DELE1: variants seen among roughly 807,000 people sequenced by gnomAD.
DELE1 encodes death ligand signal enhancer.
In DELE1, 54 loss-of-function variants were observed where a neutral mutation model predicts 59.3. The observed-to-expected ratio is 0.91, with a 90% confidence interval of 0.73 to 1.14. The LOEUF is 1.14. Among genes scored for constraint, DELE1 ranks in the 50% most tolerant of loss-of-function variants. The probability of loss-of-function intolerance (pLI) is 0.00; values close to 1 mark genes in which losing one functional copy is unlikely to be tolerated. For missense variants in DELE1, 636 were observed against 643.9 expected, an observed-to-expected ratio of 0.99 and a Z score of 0.13; for synonymous variants, 264 against 259.1, an observed-to-expected ratio of 1.02 and a Z score of -0.18.
chr5:141,939,410 C>T lies in DELE1; in HGVS notation c.*651C>T. ...CCATGAATGGCTGACACTTAGGAAA[C>T]TCTGAATTAGGCCATCCTCGAGACT... is the stretch of plus-strand genomic sequence containing the variant. On this transcript the variant is annotated 3_prime_UTR_variant, in exon 12 of 12. Coordinates refer to ENST00000432126, the MANE Select transcript of DELE1 (RefSeq NM_014773.5). 5.1e-6 allele frequency: 5 copies of T among 985,778 alleles called. No individual in the cohort carries two copies. Among genetic ancestry groups the T allele is most frequent in the Non-Finnish European group, 6.0e-6 (5 of 829,890 alleles). The allele number at this position is 985,778 out of a possible 1,614,324, so 61.1% of individuals were successfully genotyped here.
In DELE1 at chr5:141,941,238, GA is replaced by G; in HGVS notation, c.*2480del. Reference sequence around the variant, plus strand: ...ACTGGGCGTCCTGTGGTGAAGGCCAGATGCAGCCCTCCCTGAGTGGCTCTCC... The same window carrying G: ...ACTGGGCGTCCTGTGGTGAAGGCCAGTGCAGCCCTCCCTGAGTGGCTCTCC... On this transcript the variant is annotated 3_prime_UTR_variant, in exon 12 of 12. Transcript: ENST00000432126. The G allele has an allele frequency of 1.0e-6, 1 of 985,478 alleles. No homozygotes were observed. The highest frequency in any genetic ancestry group is 1.2e-6 in the Non-Finnish European group (1 of 829,976). 61.0% of individuals were successfully genotyped at this position (985,478 alleles called of 1,614,324 possible).
Position 141,939,103 on chromosome 5 carries a change from G to A in DELE1, c.*344G>A, listed in dbSNP as rs918584526. 18 of 1,045,272 alleles carry A rather than the reference G, an allele frequency of 1.7e-5. No individual in the cohort carries two copies. In the African/African-American group the frequency reaches 2.4e-4, roughly 14 times the overall value. 64.7% of individuals were successfully genotyped at this position (1,045,272 alleles called of 1,614,324 possible). On this transcript the variant is annotated 3_prime_UTR_variant, in exon 12 of 12. Coordinates refer to ENST00000432126, the MANE Select transcript of DELE1 (RefSeq NM_014773.5). ...TTACCTTCTTCCTTCTTATGCCTGG[G>A]TTTTCTCACACTTAAATCTGTACTA... is the stretch of plus-strand genomic sequence containing the variant.
rs897965589 is a variant in DELE1 at position 141,936,912 on chromosome 5, C to G, written c.1150-286C>G. 5.1e-6 allele frequency: 5 copies of G among 985,358 alleles called. 1 individual carries two copies. In the South Asian group the frequency reaches 2.3e-4, roughly 46 times the overall value. 61.0% of individuals were successfully genotyped at this position (985,358 alleles called of 1,614,324 possible). ...TAACTGGCCTGAGTGTTTCCTGTAG[C>G]CTTCGTTGTGCATGCTTTCAGCCAG... On this transcript the variant is annotated intron_variant, in intron 10 of 11. Transcript: ENST00000432126.
intron 10 of DELE1, chr5:141,934,865 G>A (rs1454856728): frequency 1.1e-5 from 5 of 463,814 alleles, no homozygotes; most frequent in African/African-American, 2.0e-5. Flanking sequence ...CATAAAACAG[G>A]GCTTTTTCCC....
chr5:141,928,637 T>G (rs1297511135), intron 4 of DELE1, among the ~76,000 whole-genome samples: 1 of 152,220 alleles, frequency 6.6e-6, no homozygotes, highest in Non-Finnish European at 1.5e-5. Flanking sequence ...GAATCTTTAT[T>G]GAGCACCTAT....
intron 3 of DELE1, 136 bp downstream of exon 3, chr5:141,925,663 A>G: frequency 3.9e-6 from 2 of 507,376 alleles, no homozygotes; most frequent in Non-Finnish European, 7.0e-6. Flanking sequence ...ATTGGAGCAT[A>G]TTCAAGGAGA....
Position 141,934,307 on chromosome 5 carries a change from G to A in DELE1, c.965G>A (p.Cys322Tyr). The change falls in exon 9 of 12, where the codon TGC becomes TAC. Residue 322 changes from cysteine to tyrosine, a missense_variant. Coordinates refer to ENST00000432126, the MANE Select transcript of DELE1 (RefSeq NM_014773.5). ...CTGGCTCAGTACCGCTATGCCAGGT[G>A]CCTACTACGAGACCCAGCCTCTTCG... ...HSLAQYRYAR[C>Y]LLRDPASSWN... 2 of 1,614,148 alleles carry A rather than the reference G, an allele frequency of 1.2e-6. No homozygotes were observed. Among genetic ancestry groups the A allele is most frequent in the Non-Finnish European group, 1.7e-6 (2 of 1,180,036 alleles).
Position 141,938,528 on chromosome 5 carries a change from GC to G in DELE1, c.1320del (p.Ser441AlafsTer3). 6.2e-7 allele frequency: 1 copy of G among 1,613,814 alleles called. No homozygotes were observed. The highest frequency in any genetic ancestry group is 8.5e-7 in the Non-Finnish European group (1 of 1,179,860). On this transcript the variant is annotated frameshift_variant, in exon 12 of 12. Coordinates refer to ENST00000432126, the MANE Select transcript of DELE1 (RefSeq NM_014773.5). LOFTEE classifies it high-confidence loss of function. Reference protein sequence around the residue: ...LFSMGAAAPGPSDLTVTGLKS... With the variant: ...LFSMGAAAPGXSDLTVTGLKS... ...TCTCACCTCTTCTTGTAGCCCCGGG[GC>G]CCAGCGACCTGACAGTTACAGGACT...
Position 141,940,794 on chromosome 5 carries a change from T to C in DELE1, c.*2035T>C. ...CCCCAGCACTGAGTGCAAGGCCCCA[T>C]GCAGGGTAGGAAACCTGAGGTTTCA... On this transcript the variant is annotated 3_prime_UTR_variant, in exon 12 of 12. Coordinates refer to ENST00000432126, the MANE Select transcript of DELE1 (RefSeq NM_014773.5). 1.0e-6 allele frequency: 1 copy of C among 985,172 alleles called. No individual in the cohort carries two copies. Among genetic ancestry groups the C allele is most frequent in the Non-Finnish European group, 1.2e-6 (1 of 829,726 alleles). 61.0% of individuals were successfully genotyped at this position (985,172 alleles called of 1,614,324 possible). A position where few individuals can be genotyped will look rare whatever the true frequency, so the allele number is the denominator to read the frequency against.
At chr5:141,934,762 C>A in intron 10 of DELE1, 176 bp downstream of exon 10, 1 of 625,940 alleles carries the variant, frequency 1.6e-6, no homozygotes, top group Non-Finnish European at 2.8e-6. Flanking sequence ...TGCAGTAGTA[C>A]GCCAGAGCTG....
At position 141,938,843 on chromosome 5, in the gene DELE1, C is replaced by A; in HGVS notation, c.*84C>A. 6 of 1,504,574 alleles carry A rather than the reference C, an allele frequency of 4.0e-6. No homozygotes were observed. The highest frequency in any genetic ancestry group is 5.3e-6 in the Non-Finnish European group (6 of 1,132,790). 93.2% of individuals were successfully genotyped at this position (1,504,574 alleles called of 1,614,324 possible). Reference sequence around the variant, plus strand: ...ATAACAAAAATAGAGCATCAGCAACCCTTTCCAGGTAGAAATTCCAGCGGG... The same window carrying A: ...ATAACAAAAATAGAGCATCAGCAACACTTTCCAGGTAGAAATTCCAGCGGG... On this transcript the variant is annotated 3_prime_UTR_variant, in exon 12 of 12. Transcript: ENST00000432126.
intron 8 of DELE1, chr5:141,934,029 TAAGC>T (rs1408392222): frequency 2.3e-6 from 1 of 426,146 alleles, no homozygotes; most frequent in African/African-American, 2.0e-5. Flanking sequence ...GCTAAAATTT[TAAGC>T]AAGAATGATC....
rs771542133 is a variant in DELE1 at position 141,925,530 on chromosome 5, A to G, written c.264+3A>G. 5.1e-6 allele frequency: 8 copies of G among 1,571,852 alleles called. No individual in the cohort carries two copies. In the South Asian group the frequency reaches 9.2e-5, roughly 18 times the overall value. Reference sequence around the variant, plus strand: ...CCCTATGGGATGCCATATCTTGGGTAAGGCTTCCCCAGCCTGGTCCTTGAC... The same window carrying G: ...CCCTATGGGATGCCATATCTTGGGTGAGGCTTCCCCAGCCTGGTCCTTGAC... On this transcript the variant is annotated splice_donor_region_variant and intron_variant, in intron 3 of 11. Transcript: ENST00000432126.
chr5:141,933,389 G>A lies in DELE1; in HGVS notation c.885G>A (p.Arg295=). Residue 295 remains arginine (R), a synonymous_variant, in exon 8 of 12, where the codon AGG becomes AGA. Coordinates refer to ENST00000432126, the MANE Select transcript of DELE1 (RefSeq NM_014773.5). ...LCHEHGRGTP[R]DISKAVLYYQ... ...ATGAGCATGGCAGAGGCACCCCCAG[G>A]GACATTAGCAAGGTATTCCCCTGCC... is the stretch of plus-strand genomic sequence containing the variant. 4 of 1,501,862 alleles carry A rather than the reference G, an allele frequency of 2.7e-6. No homozygotes were observed. The highest frequency in any genetic ancestry group is 3.6e-6 in the Non-Finnish European group (4 of 1,104,730). 93.0% of individuals were successfully genotyped at this position (1,501,862 alleles called of 1,614,324 possible).
At chr5:141,930,338 CAGAT>C in intron 7 of DELE1, 64 bp downstream of exon 7, 1 of 1,179,266 alleles carries the variant, frequency 8.5e-7, no homozygotes, top group South Asian at 1.3e-5. Flanking sequence ...TGGGGTAGCT[CAGAT>C]ATAGTCAAGA....
At position 141,924,616 on chromosome 5, in the gene DELE1, G is replaced by A. The variant is rs1219768681; in HGVS notation, c.67G>A (p.Val23Met). The part of the protein sequence containing the change: ...PRTLGPSLWR[V>M]TPKSTSPDGP... The stretch of plus-strand genomic sequence containing the variant: ...TACACTGGGACCTAGCCTCTGGAGG[G>A]TGACTCCTAAGTCCACCAGCCCAGA... Residue 23 changes from valine (V) to methionine (M), a missense_variant, in exon 2 of 12, where the codon GTG (valine) becomes ATG (methionine). By Grantham distance (21) the Val-to-Met change is conservative. Coordinates refer to ENST00000432126, the MANE Select transcript of DELE1 (RefSeq NM_014773.5). 6.2e-7 allele frequency: 1 copy of A among 1,613,906 alleles called. No individual in the cohort carries two copies. Among genetic ancestry groups the A allele is most frequent in the African/African-American group, 1.3e-5 (1 of 74,900 alleles).
chr5:141,939,825 G>A lies in DELE1; in HGVS notation c.*1066G>A. 1 of 616,208 alleles carries A rather than the reference G, an allele frequency of 1.6e-6. No individual in the cohort carries two copies. Among genetic ancestry groups the A allele is most frequent in the Non-Finnish European group, 2.0e-6 (1 of 492,994 alleles). 38.2% of individuals were successfully genotyped at this position (616,208 alleles called of 1,614,324 possible). Reference sequence around the variant, plus strand: ...TGGTGTCTGCCCTCCTACCTTAGAAGACAAATGCAAGGGCATTTCACCACA... The same window carrying A: ...TGGTGTCTGCCCTCCTACCTTAGAAAACAAATGCAAGGGCATTTCACCACA... On this transcript the variant is annotated 3_prime_UTR_variant, in exon 12 of 12. Transcript: ENST00000432126.
intron 1 of DELE1, 45 bp from the exon 2 acceptor site, chr5:141,924,536 C>T: frequency 2.7e-6 from 3 of 1,118,424 alleles, no homozygotes; most frequent in Non-Finnish European, 4.1e-6. Context: ...GACAGTGATT[C>T]CTGGGTTCTT....
At chr5:141,934,206 GC>G (rs374499575) in intron 8 of DELE1, 33 bp from the exon 9 acceptor site, 2 of 1,566,502 alleles carry the variant, frequency 1.3e-6, no homozygotes, top group African/African-American at 2.7e-5. Flanking sequence ...TTACAGAGTT[GC>G]CAGCCGACTG....
Sources: allele counts gnomAD v4.1 joint callset (sites outside exome capture counted in the v4.1 genomes callset), GRCh38; gene constraint gnomAD v4.1.1; transcripts MANE v1.5; gene names NCBI Gene and HGNC (gene_info 2026-07-23, HGNC 2026-07-21).